Variants in PANK4 observed in about 807,000 individuals in gnomAD.
PANK4 encodes 4'-phosphopantetheine phosphatase.
Under a neutral mutation model 87.9 loss-of-function variants are expected in PANK4, and 40 were observed. The observed-to-expected ratio is 0.46, with a 90% confidence interval of 0.35 to 0.59. PANK4 has a LOEUF of 0.59. Ranked by LOEUF, PANK4 falls within the 20% of genes least tolerant of loss-of-function variation. PANK4 has a pLI of 0.00. For synonymous variants in PANK4, 524 were observed against 467.4 expected, an observed-to-expected ratio of 1.12 and a Z score of -1.56; for missense variants, 926 against 1,072.3, an observed-to-expected ratio of 0.86 and a Z score of 1.90.
At chr1:2,517,979 G>A (rs1643813093) in intron 9 of PANK4, among the ~76,000 whole-genome samples, 185 bp downstream of exon 9, 1 of 152,222 alleles carries the variant, frequency 6.6e-6, no homozygotes, top group Non-Finnish European at 1.5e-5. Flanking sequence ...GAGGGAGATG[G>A]GAAAGCAAGC....
chr1:2,518,339 G>T (rs558272540), intron 8 of PANK4, 75 bp from the exon 9 acceptor site: 2 of 1,114,014 alleles, frequency 1.8e-6, no homozygotes, highest in East Asian at 4.8e-5. Flanking sequence ...AGGAGGAAAG[G>T]GTATAAAATC....
Position 2,510,463 on chromosome 1 carries a change from G to A in PANK4, c.1938+215C>T, listed in dbSNP as rs1340219442. ...TCCAGGAGCCTGGCGTCAACCCTGG[G>A]CTTCAGCACATGGACCCTCAGCCTG... On this transcript the variant is annotated intron_variant, in intron 16 of 18. Coordinates refer to ENST00000378466, the MANE Select transcript of PANK4 (RefSeq NM_018216.4). The surrounding 1 kb of genome is among the most constrained non-coding windows in gnomAD (Gnocchi z 4.9). 1 of 598,878 alleles carries A rather than the reference G, an allele frequency of 1.7e-6. No individual in the cohort carries two copies. The highest frequency in any genetic ancestry group is 3.0e-6 in the Non-Finnish European group (1 of 336,494). 37.1% of individuals were successfully genotyped at this position (598,878 alleles called of 1,614,324 possible).
At chr1:2,524,465 G>A (rs926425134) in intron 1 of PANK4, among the ~76,000 whole-genome samples, 2 of 152,210 alleles carry the variant, frequency 1.3e-5, no homozygotes, top group Admixed American at 6.5e-5. Flanking sequence ...GTCCTCTTAA[G>A]AACCAGAGAC....
intron 9 of PANK4, among the ~76,000 whole-genome samples, chr1:2,517,907 G>A (rs971098262): frequency 8.5e-5 from 13 of 152,222 alleles, no homozygotes; most frequent in Non-Finnish European, 1.8e-4. Context: ...CAAACAAGAA[G>A]GCCGGATCAC....
chr1:2,524,963 G>A (rs896023032), intron 1 of PANK4, among the ~76,000 whole-genome samples: 1 of 152,126 alleles, frequency 6.6e-6, no homozygotes, highest in African/African-American at 2.4e-5. Flanking sequence ...TCAGTCCCAA[G>A]TCCTATCAGC....
chr1:2,525,711 C>G (rs917641332), intron 1 of PANK4: 2 of 152,308 alleles, frequency 1.3e-5, no homozygotes, highest in Non-Finnish European at 2.9e-5. Context: ...AGGTCTAGAA[C>G]AGAGCCTGGC....
At chr1:2,518,045 A>T in intron 9 of PANK4, 119 bp downstream of exon 9, 1 of 591,418 alleles carries the variant, frequency 1.7e-6, no homozygotes, top group Non-Finnish European at 2.9e-6. Context: ...AGGATTCGCC[A>T]TGGGCAGAGG....
chr1:2,516,479 C>T (rs1643779598), intron 9 of PANK4, among the ~76,000 whole-genome samples: 1 of 152,242 alleles, frequency 6.6e-6, no homozygotes, highest in African/African-American at 2.4e-5. Context: ...ACGCTCACCG[C>T]AGCAGCCGCT....
rs1230186906 is a variant in PANK4, at chr1:2,520,306, G to C, written c.699+16C>G. 6.2e-7 allele frequency: 1 copy of C among 1,609,444 alleles called. No homozygotes were observed. ...CTCCGCAGACCCCTGGAAGGTCTCT[G>C]GCAGCTGCCGCATACCTTCGTTTTG... On this transcript the variant is annotated intron_variant, in intron 5 of 18. Coordinates refer to ENST00000378466, the MANE Select transcript of PANK4 (RefSeq NM_018216.4). This position sits in a 1 kb window ranked among gnomAD's most constrained non-coding sequence, Gnocchi z 6.2.
Position 2,509,884 on chromosome 1 carries a change from T to C in PANK4, c.2086A>G (p.Ser696Gly). 6.2e-7 allele frequency: 1 copy of C among 1,612,088 alleles called. No homozygotes were observed. Among genetic ancestry groups the C allele is most frequent in the Non-Finnish European group, 8.5e-7 (1 of 1,179,884 alleles). The change falls in exon 18 of 19, where the codon AGC (serine) becomes GGC (glycine). Residue 696 changes from serine to glycine, a missense_variant. Ser to Gly is a moderately conservative substitution (Grantham distance 56). Coordinates refer to ENST00000378466, the MANE Select transcript of PANK4 (RefSeq NM_018216.4). This position sits in a 1 kb window ranked among gnomAD's most constrained non-coding sequence, Gnocchi z 4.9. Reference protein sequence around the residue: ...ERLLLVQTGSSSPCLDLSRLD... With the variant: ...ERLLLVQTGSGSPCLDLSRLD... ...TACCTGAGGTCGAGGCACGGGGAGC[T>C]GGAGCCCGTCTGCACCAGCAGCAGC...
chr1:2,511,533 C>A (rs1643661765), intron 14 of PANK4, 95 bp downstream of exon 14: 1 of 1,112,354 alleles, frequency 9.0e-7, no homozygotes, highest in Non-Finnish European at 1.4e-6. Context: ...GGGGAGGTGC[C>A]TGGACCCCGA....
In PANK4 at chr1:2,510,016, T is replaced by A; in HGVS notation, c.2039+41A>T. On this transcript the variant is annotated intron_variant, in intron 17 of 18. Coordinates refer to ENST00000378466, the MANE Select transcript of PANK4 (RefSeq NM_018216.4). This position sits in a 1 kb window ranked among gnomAD's most constrained non-coding sequence, Gnocchi z 4.9. ...GCCCACTCTGCCCAGCTGGTGCCCCTCCCCATCAAGGCCCCCCCAGCACTG... is the reference window on the plus strand; with the variant it reads ...GCCCACTCTGCCCAGCTGGTGCCCCACCCCATCAAGGCCCCCCCAGCACTG... 1 of 1,574,780 alleles carries A rather than the reference T, an allele frequency of 6.4e-7. No individual in the cohort carries two copies.
intron 12 of PANK4, 85 bp downstream of exon 12, chr1:2,513,917 C>T (rs1488807398): frequency 1.9e-5 from 20 of 1,035,830 alleles, no homozygotes; most frequent in South Asian, 1.8e-4. Context: ...CAGGATGCCC[C>T]GAGCCAGCGG....
At position 2,520,095 on chromosome 1, in the gene PANK4, C is replaced by T. The variant is rs145152955; in HGVS notation, c.700-141G>A. The T allele has an allele frequency of 2.7e-4, 243 of 890,396 alleles. 1 individual carries two copies. The African/African-American group carries it at 3.4e-3, about 12-fold the overall frequency. 55.2% of individuals were successfully genotyped at this position (890,396 alleles called of 1,614,324 possible). A position where few individuals can be genotyped will look rare whatever the true frequency, so the allele number is the denominator to read the frequency against. ...ATCGCGTGGGACCAAAGGCAGGAGG[C>T]GGCAAGCGGGACCCTCGGGCCACCC... On this transcript the variant is annotated intron_variant, in intron 5 of 18. Coordinates refer to ENST00000378466, the MANE Select transcript of PANK4 (RefSeq NM_018216.4). The surrounding 1 kb of genome is among the most constrained non-coding windows in gnomAD (Gnocchi z 6.2).
chr1:2,513,688 T>C (rs958623849), intron 12 of PANK4, among the ~76,000 whole-genome samples: 1 of 152,222 alleles, frequency 6.6e-6, no homozygotes, highest in South Asian at 2.1e-4. Flanking sequence ...GGGAGGCCCT[T>C]GGCTCCTGCA....
At chr1:2,522,753 GT>G (rs373871270) in intron 1 of PANK4, among the ~76,000 whole-genome samples, 11 of 141,602 alleles carry the variant, frequency 7.8e-5, no homozygotes, top group South Asian at 2.3e-4. Context: ...AGGGCACCGT[GT>G]GTGTTATAGT....
At position 2,510,252 on chromosome 1, in the gene PANK4, GGT is replaced by G; in HGVS notation, c.1939-97_1939-96del. On this transcript the variant is annotated intron_variant, in intron 16 of 18. Coordinates refer to ENST00000378466, the MANE Select transcript of PANK4 (RefSeq NM_018216.4). The surrounding 1 kb of genome is among the most constrained non-coding windows in gnomAD (Gnocchi z 4.9). ...CCTTCGAGTGGCTGGGCTGGGTGAG[GGT>G]GCTGTGCCCAGCGGGCCTGGCCAGC... is the stretch of plus-strand genomic sequence containing the variant. 1 of 834,346 alleles carries G rather than the reference GGT, an allele frequency of 1.2e-6. No individual in the cohort carries two copies. The highest frequency in any genetic ancestry group is 1.4e-5 in the South Asian group (1 of 69,004). 51.7% of individuals were successfully genotyped at this position (834,346 alleles called of 1,614,324 possible).
chr1:2,521,654 G>A (rs1295016866), intron 2 of PANK4, 64 bp downstream of exon 2: 1 of 1,263,668 alleles, frequency 7.9e-7, no homozygotes, highest in East Asian at 2.3e-5. Flanking sequence ...TGCGAGACAA[G>A]TGCCAGGTCC....
In PANK4 at chr1:2,508,895, G is replaced by A. The variant is rs148129603; in HGVS notation, c.2274C>T (p.Gly758=). Residue 758 remains glycine (G), a synonymous_variant, in exon 19 of 19, where the codon GGC becomes GGT. Transcript: ENST00000378466. This position sits in a 1 kb window ranked among gnomAD's most constrained non-coding sequence, Gnocchi z 5.1. ...IKNAWLAERL[G]GRLFSVIFKY... is the part of the protein sequence containing the mutation. Reference sequence around the variant, plus strand: ...TGAAGATGACGCTGAAGAGCCGGCCGCCCAGCCGCTCGGCCAGCCACGCGT... The same window carrying A: ...TGAAGATGACGCTGAAGAGCCGGCCACCCAGCCGCTCGGCCAGCCACGCGT... 834 of 1,608,226 alleles carry A rather than the reference G, an allele frequency of 5.2e-4. 2 individuals carry two copies. The highest frequency in any genetic ancestry group is 6.0e-4 in the Non-Finnish European group (702 of 1,177,860).
Sources: allele counts gnomAD v4.1 joint callset (sites outside exome capture counted in the v4.1 genomes callset), GRCh38; gene constraint gnomAD v4.1.1; non-coding constraint Gnocchi (gnomAD v3.1); transcripts MANE v1.5; gene names NCBI Gene and HGNC (gene_info 2026-07-23, HGNC 2026-07-21).